The following PAPPA2 variants were observed in gnomAD, a reference collection of about 807,000 sequenced individuals.
The protein encoded by PAPPA2 is pappalysin 2.
Under a neutral mutation model 176.4 loss-of-function variants are expected in PAPPA2, and 86 were observed. The observed-to-expected ratio is 0.49, with a 90% CI of 0.41 to 0.58. PAPPA2 has a LOEUF of 0.58. Ranked by LOEUF, PAPPA2 falls within the 20% of genes least tolerant of loss-of-function variation. The pLI is 0.00. For synonymous variants in PAPPA2, 809 were observed against 852.2 expected (o/e 0.95, Z 0.88); for missense variants, 2,073 against 2,256.9 (o/e 0.92, Z 1.65).
intron 1 of PAPPA2, among the ~76,000 whole-genome samples, chr1:176,527,338 T>C (rs1649555023): frequency 6.6e-6 from 1 of 152,188 alleles, no homozygotes; most frequent in South Asian, 2.1e-4. Flanking sequence ...CTGTGAGGTA[T>C]GTGTTATCAT....
At chr1:176,669,422 A>C (rs1658857633) in intron 3 of PAPPA2, among the ~76,000 whole-genome samples, 1 of 152,132 alleles carries the variant, frequency 6.6e-6, no homozygotes, top group Non-Finnish European at 1.5e-5. Flanking sequence ...TTTATCAATA[A>C]AGGAAATTAT....
At chr1:176,757,406 G>A (rs1317945426) in intron 14 of PAPPA2, among the ~76,000 whole-genome samples, 6 of 152,106 alleles carry the variant, frequency 3.9e-5, no homozygotes, top group Non-Finnish European at 7.3e-5. Flanking sequence ...ATTCTAACTG[G>A]CGTGAGATGG....
chr1:176,723,737 T>C (rs12735837), intron 12 of PAPPA2, among the ~76,000 whole-genome samples: 11,217 of 152,222 alleles, frequency 0.074, 525 homozygotes, highest in Middle Eastern at 0.11. Context: ...GAAATAATAC[T>C]CTTAGTTTTT....
rs554800063 is a variant in PAPPA2 at position 176,821,726 on chromosome 1, A to G, written c.5203-18447A>G. 2.0e-5 allele frequency among the ~76,000 whole-genome samples: 3 copies of G among 152,340 alleles called. No homozygotes were observed. In the East Asian group the frequency reaches 5.8e-4, roughly 29 times the overall value. Reference sequence around the variant, plus strand: ...GTCAAGTGTAGCATGTGTCACATACATTTATGTTCCACTAGTTAAGGCAAA... The same window carrying G: ...GTCAAGTGTAGCATGTGTCACATACGTTTATGTTCCACTAGTTAAGGCAAA... On this transcript the variant is annotated intron_variant, in intron 21 of 22. Coordinates refer to ENST00000367662, the MANE Select transcript of PAPPA2 (RefSeq NM_020318.3).
At chr1:176,732,247 A>C (rs1249345364) in intron 12 of PAPPA2, among the ~76,000 whole-genome samples, 1 of 152,180 alleles carries the variant, frequency 6.6e-6, no homozygotes, top group Non-Finnish European at 1.5e-5. Context: ...TGTTATCTGA[A>C]TTTGCAGTCT....
At chr1:176,714,192 C>A (rs888657088) in intron 12 of PAPPA2, among the ~76,000 whole-genome samples, 1 of 151,958 alleles carries the variant, frequency 6.6e-6, no homozygotes, top group Non-Finnish European at 1.5e-5. Context: ...TGAGTAGATC[C>A]CCCACTTGGC....
chr1:176,626,338 G>T (rs1656012211), intron 3 of PAPPA2, among the ~76,000 whole-genome samples: 1 of 152,066 alleles, frequency 6.6e-6, no homozygotes, highest in Admixed American at 6.5e-5. Flanking sequence ...CTTCATATAT[G>T]TATTTATTTG....
chr1:176,480,857 C>G (rs901855151), intron 1 of PAPPA2, among the ~76,000 whole-genome samples: 1 of 151,754 alleles, frequency 6.6e-6, no homozygotes, highest in African/African-American at 2.4e-5. Flanking sequence ...GACGAAAACA[C>G]TAAAGCCAGT....
At chr1:176,784,415 G>A (rs1019354274) in intron 17 of PAPPA2, among the ~76,000 whole-genome samples, 2 of 152,092 alleles carry the variant, frequency 1.3e-5, no homozygotes, top group Non-Finnish European at 2.9e-5. Flanking sequence ...AGGCACTGGG[G>A]ATCAGTCCAT....
At chr1:176,774,150 T>G (rs1285081672) in intron 17 of PAPPA2, among the ~76,000 whole-genome samples, 1 of 152,196 alleles carries the variant, frequency 6.6e-6, no homozygotes, top group Admixed American at 6.5e-5. Flanking sequence ...TTGATTTCCT[T>G]TTCTAGCTTT....
Position 176,844,412 on chromosome 1 carries a change from G to A in PAPPA2, c.*1958G>A, listed in dbSNP as rs142593692. On this transcript the variant is annotated 3_prime_UTR_variant, in exon 23 of 23. Coordinates refer to ENST00000367662, the MANE Select transcript of PAPPA2 (RefSeq NM_020318.3). ...AATATCCTGAAAGAGAATAAAACAC[G>A]AATAAGGTGATGTACCCACATTAAT... The A allele has an allele frequency of 3.8e-4, 58 of 152,216 alleles. No individual in the cohort carries two copies. The highest frequency in any genetic ancestry group is 6.8e-3 in the Middle Eastern group (2 of 294). 9.4% of individuals were successfully genotyped at this position (152,216 alleles called of 1,614,324 possible).
chr1:176,750,830 T>C (rs1159390587), intron 14 of PAPPA2, among the ~76,000 whole-genome samples: 2 of 152,154 alleles, frequency 1.3e-5, no homozygotes, highest in African/African-American at 4.8e-5. Context: ...GGAAAAATAA[T>C]GAGTTCACGC....
intron 20 of PAPPA2, among the ~76,000 whole-genome samples, chr1:176,794,749 C>G (rs537026874): frequency 6.6e-6 from 1 of 151,680 alleles, no homozygotes; most frequent in African/African-American, 2.4e-5. Context: ...TTAGATGTGT[C>G]AAGGGCATGC....
At chr1:176,685,894 T>C (rs1181691008) in intron 4 of PAPPA2, among the ~76,000 whole-genome samples, 2 of 152,264 alleles carry the variant, frequency 1.3e-5, no homozygotes, top group African/African-American at 4.8e-5. Context: ...TATTAAAACA[T>C]GAAAGAACTT....
intron 3 of PAPPA2, among the ~76,000 whole-genome samples, chr1:176,627,448 G>A (rs1656095910): frequency 6.6e-6 from 1 of 152,126 alleles, no homozygotes; most frequent in African/African-American, 2.4e-5. Flanking sequence ...TACACAAAGA[G>A]CAGTGACTAG....
chr1:176,677,083 ATTGT>A (rs1040201828), intron 4 of PAPPA2, among the ~76,000 whole-genome samples: 3 of 152,138 alleles, frequency 2.0e-5, no homozygotes, highest in Non-Finnish European at 2.9e-5. Context: ...TCAATAGGAA[ATTGT>A]TTGTGTTCTT....
intron 16 of PAPPA2, among the ~76,000 whole-genome samples, chr1:176,770,481 TC>T (rs995084447): frequency 2.0e-5 from 3 of 152,134 alleles, no homozygotes; most frequent in Non-Finnish European, 2.9e-5. Flanking sequence ...AAGTTACCGA[TC>T]CCCAATTTCC....
chr1:176,661,853 C>A (rs1226907086), intron 3 of PAPPA2, among the ~76,000 whole-genome samples: 2 of 152,062 alleles, frequency 1.3e-5, no homozygotes, highest in African/African-American at 4.8e-5. Context: ...GACTAATGCA[C>A]AACATCTACC....
chr1:176,719,327 G>T (rs1661513471), intron 12 of PAPPA2, among the ~76,000 whole-genome samples: 1 of 151,866 alleles, frequency 6.6e-6, no homozygotes, highest in Non-Finnish European at 1.5e-5. Context: ...GAAACATGAA[G>T]AAATAAAGTG....
Sources: allele counts gnomAD v4.1 joint callset (sites outside exome capture counted in the v4.1 genomes callset), GRCh38; gene constraint gnomAD v4.1.1; transcripts MANE v1.5; gene names NCBI Gene and HGNC (gene_info 2026-07-23, HGNC 2026-07-21).